COP1: variants seen among roughly 807,000 people sequenced by gnomAD.
COP1 encodes COP1 E3 ubiquitin ligase, also known as E3 ubiquitin-protein ligase COP1.
COP1 carries 24 observed loss-of-function variants against 101.3 expected under a neutral mutation model. The ratio of observed to expected loss-of-function variants is 0.24; its 90% CI spans 0.17 to 0.33. The LOEUF (loss-of-function observed/expected upper bound fraction) is 0.33, where lower values mean the gene tolerates loss of function less well. Ranked by LOEUF, COP1 falls within the 10% of genes least tolerant of loss-of-function variation. The pLI is 1.00. For synonymous variants in COP1, 347 were observed against 341.9 expected (o/e 1.01, Z -0.17); for missense variants, 663 against 906.2 (o/e 0.73, Z 3.45).
At chr1:176,045,275 C>T (rs963662832) in intron 12 of COP1, among the ~76,000 whole-genome samples, 3 of 152,124 alleles carry the variant, frequency 2.0e-5, no homozygotes, top group Non-Finnish European at 2.9e-5. Flanking sequence ...ATATCCTCTT[C>T]ACTTAGGACA....
At chr1:176,190,899 A>C (rs1277141458) in intron 1 of COP1, among the ~76,000 whole-genome samples, 1 of 151,978 alleles carries the variant, frequency 6.6e-6, no homozygotes, top group African/African-American at 2.4e-5. Flanking sequence ...AAAAAAAATC[A>C]ATCTTTCAAA....
chr1:175,972,589 C>T (rs1006641843), intron 18 of COP1, among the ~76,000 whole-genome samples: 4 of 151,512 alleles, frequency 2.6e-5, no homozygotes, highest in African/African-American at 4.9e-5. Context: ...CTCAGCTTCC[C>T]GAGTAGCTGG....
intron 11 of COP1, among the ~76,000 whole-genome samples, chr1:176,061,012 GAA>G (rs1446532337): frequency 6.6e-6 from 1 of 152,152 alleles, no homozygotes; most frequent in African/African-American, 2.4e-5. Context: ...TATAACTTTT[GAA>G]AAGAGTAACA....
Position 176,062,022 on chromosome 1 carries a change from C to T in COP1, c.1278-15698G>A, listed in dbSNP as rs564232639. Reference sequence around the variant, plus strand: ...TTATTATTATTATTGTTTTTGGAGACGGCATCTCACTCTATCGCCCAGGCT... The same window carrying T: ...TTATTATTATTATTGTTTTTGGAGATGGCATCTCACTCTATCGCCCAGGCT... On this transcript the variant is annotated intron_variant, in intron 11 of 19. Transcript: ENST00000367669. Among the ~76,000 whole-genome samples the T allele has an allele frequency of 2.3e-4, 35 of 152,158 alleles. 1 individual carries two copies. The highest frequency in any genetic ancestry group is 7.7e-4 in the African/African-American group (32 of 41,466).
At chr1:176,199,297 A>T (rs1325667113) in intron 1 of COP1, among the ~76,000 whole-genome samples, 1 of 152,222 alleles carries the variant, frequency 6.6e-6, no homozygotes, top group Non-Finnish European at 1.5e-5. Context: ...AGCTGGGGCG[A>T]CAGTATGAGA....
At chr1:175,992,743 G>A (rs1253381684) in intron 15 of COP1, among the ~76,000 whole-genome samples, 1 of 152,242 alleles carries the variant, frequency 6.6e-6, no homozygotes, top group East Asian at 1.9e-4. Flanking sequence ...AAGCAGCTGG[G>A]AAGCTCGAAC....
intron 6 of COP1, among the ~76,000 whole-genome samples, chr1:176,145,819 A>T (rs1015639426): frequency 1.6e-4 from 25 of 152,182 alleles, no homozygotes; most frequent in Non-Finnish European, 2.8e-4. Context: ...CATTAAAGAA[A>T]GGCAAGAAAG....
At position 176,054,357 on chromosome 1, in the gene COP1, T is replaced by TCA. The variant is rs529571373; in HGVS notation, c.1278-8035_1278-8034dup. 5.0e-3 allele frequency among the ~76,000 whole-genome samples: 768 copies of TCA among 152,090 alleles called. 9 individuals are homozygous for TCA. The highest frequency in any genetic ancestry group is 0.017 in the African/African-American group (720 of 41,474). Reference sequence around the variant, plus strand: ...TTGTATTTTTAGTAGAGACAGGGTTTCACCATGTTGGCCAGACTGGTTTCA... The same window carrying TCA: ...TTGTATTTTTAGTAGAGACAGGGTTTCACACCATGTTGGCCAGACTGGTTTCA... On this transcript the variant is annotated intron_variant, in intron 11 of 19. Coordinates refer to ENST00000367669, the MANE Select transcript of COP1 (RefSeq NM_022457.7).
intron 15 of COP1, among the ~76,000 whole-genome samples, chr1:175,999,241 T>C (rs911247006): frequency 6.6e-6 from 1 of 152,068 alleles, no homozygotes; most frequent in Admixed American, 6.6e-5. Flanking sequence ...CCACCTCTAC[T>C]TCCCCCAACA....
At chr1:176,041,352 T>TCTTTTTC (rs1298993886) in intron 14 of COP1, among the ~76,000 whole-genome samples, 1 of 148,744 alleles carries the variant, frequency 6.7e-6, no homozygotes, top group Non-Finnish European at 1.5e-5. Flanking sequence ...TTTCTTTTTT[T>TCTTTTTC]CTTTTTTTTT....
At chr1:176,141,542 A>C (rs953994473) in intron 6 of COP1, among the ~76,000 whole-genome samples, 2 of 152,024 alleles carry the variant, frequency 1.3e-5, no homozygotes, top group East Asian at 1.9e-4. Context: ...AAAACTTAAT[A>C]TATGCTAATT....
At chr1:176,006,297 T>A (rs1167158869) in intron 15 of COP1, among the ~76,000 whole-genome samples, 1 of 152,212 alleles carries the variant, frequency 6.6e-6, no homozygotes, top group Non-Finnish European at 1.5e-5. Flanking sequence ...CTTGACTCTT[T>A]ATCCAATTTG....
chr1:176,125,875 T>G (rs981479036), intron 8 of COP1, among the ~76,000 whole-genome samples: 1 of 152,168 alleles, frequency 6.6e-6, no homozygotes, highest in Non-Finnish European at 1.5e-5. Context: ...CCTTTCCAGT[T>G]TTTTGTGTCT....
At chr1:176,171,042 A>G (rs1695969142) in intron 3 of COP1, among the ~76,000 whole-genome samples, 1 of 147,164 alleles carries the variant, frequency 6.8e-6, no homozygotes, top group Non-Finnish European at 1.5e-5. Context: ...GGAGAATGGC[A>G]TGATCCCAGC....
At chr1:176,157,024 G>A (rs1044490224) in intron 5 of COP1, among the ~76,000 whole-genome samples, 8 of 151,736 alleles carry the variant, frequency 5.3e-5, no homozygotes, top group South Asian at 2.1e-4. Flanking sequence ...ATGGTGAGAC[G>A]CCATCTCTAC....
intron 18 of COP1, among the ~76,000 whole-genome samples, chr1:175,948,999 C>G (rs1227172867): frequency 6.6e-6 from 1 of 151,396 alleles, no homozygotes. Flanking sequence ...CCTGTCTCTA[C>G]TAAAATACAA....
chr1:176,058,130 T>TG (rs1412682438), intron 11 of COP1, among the ~76,000 whole-genome samples: 10 of 9,890 alleles, frequency 1.0e-3, no homozygotes, highest in Non-Finnish European at 2.3e-3. Flanking sequence ...GGGAGGGAGG[T>TG]GGGGTGGGGG....
intron 11 of COP1, among the ~76,000 whole-genome samples, chr1:176,069,967 C>G (rs973070798): frequency 2.6e-5 from 4 of 152,164 alleles, no homozygotes; most frequent in African/African-American, 9.7e-5. Flanking sequence ...AGTCAGTGTT[C>G]TATATATCTA....
intron 14 of COP1, among the ~76,000 whole-genome samples, chr1:176,042,270 C>CAA (rs35822380): frequency 0.14 from 11,919 of 87,768 alleles, 1,271 homozygotes; most frequent in Admixed American, 0.18. Context: ...AACTCTATCT[C>CAA]AAAAAAAAAA....
Sources: gnomAD v4.1 joint callset for allele counts (sites outside exome capture counted in the v4.1 genomes callset) on GRCh38, gnomAD v4.1.1 for gene constraint, MANE v1.5 for transcripts, NCBI Gene and HGNC (gene_info 2026-07-23, HGNC 2026-07-21) for gene names.